The following FAAH variants were observed in gnomAD, a reference collection of about 807,000 sequenced individuals.
The protein encoded by FAAH is fatty acid amide hydrolase, also known as fatty-acid amide hydrolase 1.
A neutral mutation model predicts 69.7 loss-of-function variants in FAAH; 63 were observed. That is an observed-to-expected ratio of 0.90 (90% CI 0.74 to 1.12). The LOEUF is 1.12. FAAH is among the 50% of genes most tolerant of loss of function. The pLI is 0.00. For missense variants in FAAH, 680 were observed against 755.0 expected (o/e 0.90, Z 1.16); for synonymous variants, 305 against 324.2 (o/e 0.94, Z 0.64).
Position 46,413,229 on chromosome 1 carries a change from T to A in FAAH, c.1611+9T>A. The A allele has an allele frequency of 6.2e-7, 1 of 1,614,060 alleles. No individual in the cohort carries two copies. Among genetic ancestry groups the A allele is most frequent in the East Asian group, 2.2e-5 (1 of 44,886 alleles). ...ACAAGATGCTGCAGAAGGTGAGGAC[T>A]GACCTGCCCCTCAACTGGACTCACT... On this transcript the variant is annotated intron_variant, in intron 14 of 14. Coordinates refer to ENST00000243167, the MANE Select transcript of FAAH (RefSeq NM_001441.3).
At position 46,410,585 on chromosome 1, in the gene FAAH, C is replaced by T. The variant is rs549865381; in HGVS notation, c.1275+88C>T. ...ATGATCCCCCATGGCCTCCCTCAGC[C>T]TCTCTTGGTTTGGGCAGGCATGGCC... On this transcript the variant is annotated intron_variant, in intron 10 of 14. Coordinates refer to ENST00000243167, the MANE Select transcript of FAAH (RefSeq NM_001441.3). The surrounding 1 kb of genome is among the most constrained non-coding windows in gnomAD (Gnocchi z 4.9). The T allele has an allele frequency of 1.1e-5, 14 of 1,326,292 alleles. No homozygotes were observed. In the East Asian group the frequency reaches 2.8e-4, roughly 26 times the overall value. The allele number at this position is 1,326,292 out of a possible 1,614,324, so 82.2% of individuals were successfully genotyped here. A position where few individuals can be genotyped will look rare whatever the true frequency, so the allele number is the denominator to read the frequency against.
In FAAH at chr1:46,406,481, T is replaced by C. The variant is rs1401584662; in HGVS notation, c.951+113T>C. ...TCCTGAGAACCGTCCCCCAGGCCTC[T>C]GAGGCCAGGGCGGGTTGCTCCTCCA... On this transcript the variant is annotated intron_variant, in intron 7 of 14. Transcript: ENST00000243167. 4.1e-6 allele frequency: 6 copies of C among 1,475,766 alleles called. No individual in the cohort carries two copies. In the South Asian group the frequency reaches 5.9e-5, roughly 15 times the overall value. 91.4% of individuals were successfully genotyped at this position (1,475,766 alleles called of 1,614,324 possible).
chr1:46,394,671 T>G, intron 1 of FAAH, 128 bp downstream of exon 1: 6 of 811,202 alleles, frequency 7.4e-6, no homozygotes, highest in African/African-American at 1.8e-5. Flanking sequence ...CCAGAATCTC[T>G]CCTTGCCCTA....
Position 46,394,375 on chromosome 1 carries a change from G to C in FAAH, c.27G>C (p.Ala9=). MVQYELWA[A]LPGASGVALA... ...TGGTGCAGTACGAGCTGTGGGCCGC[G>C]CTGCCTGGCGCCTCCGGGGTCGCCC... is the stretch of plus-strand genomic sequence containing the variant. Residue 9 remains alanine, a synonymous_variant, in exon 1 of 15, where the codon GCG becomes GCC. Transcript: ENST00000243167. 1 of 1,546,064 alleles carries C rather than the reference G, an allele frequency of 6.5e-7. No homozygotes were observed. Among genetic ancestry groups the C allele is most frequent in the Non-Finnish European group, 8.7e-7 (1 of 1,151,506 alleles).
Position 46,408,439 on chromosome 1 carries a change from C to T in FAAH, c.952-20C>T, listed in dbSNP as rs1664839726. The T allele has an allele frequency of 6.2e-7, 1 of 1,614,026 alleles. No individual in the cohort carries two copies. ...TTGTCTTCTCCTGACCTGCCCCTGT[C>T]CCCTGTGTTTTCCCTCCAGGTCTAC... On this transcript the variant is annotated intron_variant, in intron 7 of 14. Coordinates refer to ENST00000243167, the MANE Select transcript of FAAH (RefSeq NM_001441.3).
chr1:46,397,171 T>C (rs897386000), intron 1 of FAAH, among the ~76,000 whole-genome samples: 2 of 152,258 alleles, frequency 1.3e-5, no homozygotes, highest in African/African-American at 4.8e-5. Flanking sequence ...AGCTGAGTTC[T>C]GCCAGCTCCA....
chr1:46,406,174 C>G, intron 6 of FAAH, 70 bp from the exon 7 acceptor site: 2 of 1,613,850 alleles, frequency 1.2e-6, no homozygotes. Flanking sequence ...AGTGTCTGGC[C>G]CCCAGGCTGC....
chr1:46,406,489 G>C, intron 7 of FAAH, 121 bp downstream of exon 7: 3 of 1,438,656 alleles, frequency 2.1e-6, no homozygotes, highest in Non-Finnish European at 2.9e-6. Context: ...TCTGAGGCCA[G>C]GGCGGGTTGC....
chr1:46,407,790 G>C (rs983820266), intron 7 of FAAH, among the ~76,000 whole-genome samples: 7 of 152,228 alleles, frequency 4.6e-5, no homozygotes, highest in Non-Finnish European at 1.0e-4. Flanking sequence ...AATGTAGACA[G>C]TAAGCTGTGT....
rs1334134656 is a variant in FAAH, at chr1:46,413,116, C to T, written c.1507C>T (p.Pro503Ser). The T allele has an allele frequency of 6.2e-7, 1 of 1,614,174 alleles. No individual in the cohort carries two copies. Among genetic ancestry groups the T allele is most frequent in the Non-Finnish European group, 8.5e-7 (1 of 1,180,016 alleles). ...TATGCTGTACAACTGCCTGGACTTCCCTGCAGGGGTGGTGCCTGTCACCAC... is the reference window on the plus strand; with the variant it reads ...TATGCTGTACAACTGCCTGGACTTCTCTGCAGGGGTGGTGCCTGTCACCAC... ...YTMLYNCLDF[P>S]AGVVPVTTVT... The change falls in exon 14 of 15, where the codon CCT becomes TCT. Residue 503 changes from proline to serine, a missense_variant. Physicochemically the swap from Pro to Ser is moderately conservative, Grantham distance 74. Transcript: ENST00000243167.
intron 14 of FAAH, 69 bp downstream of exon 14, chr1:46,413,289 G>T (rs907436249): frequency 6.2e-7 from 1 of 1,612,304 alleles, no homozygotes; most frequent in East Asian, 2.2e-5. Context: ...GGAGGAAACA[G>T]TACCAGCACT....
chr1:46,409,309 G>A lies in FAAH; in HGVS notation c.1175+111G>A, dbSNP rs536279383. The A allele has an allele frequency of 7.3e-5, 62 of 848,000 alleles. 1 individual carries two copies. In the African/African-American group the frequency reaches 9.9e-4, roughly 14 times the overall value. The allele number at this position is 848,000 out of a possible 1,614,324, so 52.5% of individuals were successfully genotyped here. A position where few individuals can be genotyped will look rare whatever the true frequency, so the allele number is the denominator to read the frequency against. On this transcript the variant is annotated intron_variant, in intron 9 of 14. Coordinates refer to ENST00000243167, the MANE Select transcript of FAAH (RefSeq NM_001441.3). The stretch of plus-strand genomic sequence containing the variant: ...TGGGCCTTAGCTGAATCCAACAAAG[G>A]CCTGAGCACTCTGGGCAGGGACCTC...
chr1:46,395,043 G>A (rs1664573315), intron 1 of FAAH, among the ~76,000 whole-genome samples: 1 of 152,156 alleles, frequency 6.6e-6, no homozygotes, highest in Non-Finnish European at 1.5e-5. Flanking sequence ...GGGTGCAAGC[G>A]ATTCTTGCTG....
At position 46,405,444 on chromosome 1, in the gene FAAH, G is replaced by A. The variant is rs199780682; in HGVS notation, c.517G>A (p.Val173Met). Residue 173 changes from valine (V) to methionine (M), a missense_variant, in exon 4 of 15, where the codon GTG becomes ATG. By Grantham distance (21) the Val-to-Met change is conservative. Transcript: ENST00000243167. This position sits in a 1 kb window ranked among gnomAD's most constrained non-coding sequence, Gnocchi z 4.1. Reference protein sequence around the residue: ...PAECDSVVVHVLKLQGAVPFV... With the variant: ...PAECDSVVVHMLKLQGAVPFV... ...GGAGTGCGACAGCGTAGTGGTGCAT[G>A]TGCTGAAGCTGCAGGGTGCCGTGCC... 3.1e-6 allele frequency: 5 copies of A among 1,613,206 alleles called. No homozygotes were observed. Among genetic ancestry groups the A allele is most frequent in the Non-Finnish European group, 3.4e-6 (4 of 1,179,936 alleles).
Position 46,406,048 on chromosome 1 carries a change from C to G in FAAH, c.796C>G (p.Leu266Val). The G allele has an allele frequency of 6.2e-7, 1 of 1,614,190 alleles. No individual in the cohort carries two copies. ...PTGNRLSKSGLKGCVYGQEAV... is the reference protein window; with the variant it reads ...PTGNRLSKSGVKGCVYGQEAV... ...ATGTTTCTTATCCAGCAAGAGTGGC[C>G]TGAAGGGCTGTGTCTATGGACAGGA... The change falls in exon 6 of 15, where the codon CTG becomes GTG. Residue 266 changes from leucine (L) to valine (V), a missense_variant. Leu to Val is a conservative substitution (Grantham distance 32). Coordinates refer to ENST00000243167, the MANE Select transcript of FAAH (RefSeq NM_001441.3).
rs376801728 is a variant in FAAH, at chr1:46,394,613, C to T, written c.195+70C>T. On this transcript the variant is annotated intron_variant, in intron 1 of 14. Coordinates refer to ENST00000243167, the MANE Select transcript of FAAH (RefSeq NM_001441.3). ...CGCAGCGGCACTTTCAGCCGCCGGACCCGCCGAGGGACAGGGGATGGGGCG... is the reference window on the plus strand; with the variant it reads ...CGCAGCGGCACTTTCAGCCGCCGGATCCGCCGAGGGACAGGGGATGGGGCG... The T allele has an allele frequency of 1.6e-5, 20 of 1,230,244 alleles. No homozygotes were observed. The East Asian group carries it at 4.8e-4, about 30-fold the overall frequency. 76.2% of individuals were successfully genotyped at this position (1,230,244 alleles called of 1,614,324 possible). A position where few individuals can be genotyped will look rare whatever the true frequency, so the allele number is the denominator to read the frequency against.
chr1:46,408,713 C>A, intron 8 of FAAH, 129 bp downstream of exon 8: 1 of 1,379,882 alleles, frequency 7.2e-7, no homozygotes, highest in African/African-American at 1.4e-5. Context: ...GAACTGTGAC[C>A]CTGTGGGACA....
chr1:46,400,769 G>A (rs547358697), intron 1 of FAAH, among the ~76,000 whole-genome samples: 92 of 119,524 alleles, frequency 7.7e-4, no homozygotes, highest in Non-Finnish European at 2.4e-4. Context: ...GATGAGTGGA[G>A]AGCCTGGAGT....
intron 1 of FAAH, among the ~76,000 whole-genome samples, chr1:46,395,414 G>T (rs909755482): frequency 6.6e-6 from 1 of 152,214 alleles, no homozygotes; most frequent in Non-Finnish European, 1.5e-5. Context: ...CCCTCCGTGG[G>T]TGGTCTGTCA....
Sources: gnomAD v4.1 joint callset for allele counts (sites outside exome capture counted in the v4.1 genomes callset) on GRCh38, gnomAD v4.1.1 for gene constraint, Gnocchi (gnomAD v3.1) non-coding constraint, MANE v1.5 for transcripts, NCBI Gene and HGNC (gene_info 2026-07-23, HGNC 2026-07-21) for gene names.